The following NRG1 variants were observed in gnomAD, a reference collection of about 807,000 sequenced individuals.
NRG1 encodes the protein neuregulin 1, also known as pro-neuregulin-1, membrane-bound isoform.
In NRG1, 18 loss-of-function variants were observed where a neutral mutation model predicts 63.8. That is an observed-to-expected ratio of 0.28 (90% CI 0.19 to 0.42). NRG1 has a LOEUF of 0.42. Ranked by LOEUF, NRG1 falls within the 10% of genes least tolerant of loss-of-function variation. The pLI is 1.00. For missense variants in NRG1, 762 were observed against 814.7 expected, an observed-to-expected ratio of 0.94 and a Z score of 0.79; for synonymous variants, 302 against 301.3, an observed-to-expected ratio of 1.00 and a Z score of -0.02.
At chr8:32,607,823 CCTT>C (rs1209268091) in intron 3 of NRG1, among the ~76,000 whole-genome samples, 15 of 152,088 alleles carry the variant, frequency 9.9e-5, no homozygotes, top group African/African-American at 2.9e-4. Flanking sequence ...TTAAGTAAAT[CCTT>C]CTTAAACAAC....
intron 1 of NRG1, among the ~76,000 whole-genome samples, chr8:31,847,132 A>T (rs765808142): frequency 6.6e-6 from 1 of 152,194 alleles, no homozygotes; most frequent in Non-Finnish European, 1.5e-5. Context: ...TTGAATCTCA[A>T]TATGGAATAA....
At chr8:32,216,678 A>G (rs996269352) in intron 1 of NRG1, among the ~76,000 whole-genome samples, 5 of 150,006 alleles carry the variant, frequency 3.3e-5, no homozygotes, top group Admixed American at 6.7e-5. Flanking sequence ...GAGTGTTTAT[A>G]TTAAATATAA....
chr8:32,737,843 G>A (rs971191270), intron 6 of NRG1, among the ~76,000 whole-genome samples: 1 of 151,568 alleles, frequency 6.6e-6, no homozygotes, highest in African/African-American at 2.4e-5. Flanking sequence ...CGCCCAACCA[G>A]TTTTTTTATT....
intron 1 of NRG1, among the ~76,000 whole-genome samples, chr8:32,472,484 T>C (rs6997199): frequency 0.74 from 112,705 of 152,252 alleles, 42,014 homozygotes; most frequent in East Asian, 0.89. Flanking sequence ...GCCTTTATTC[T>C]TTATTTTCCC....
intron 1 of NRG1, among the ~76,000 whole-genome samples, chr8:32,123,815 T>G (rs16878857): frequency 0.016 from 2,419 of 151,830 alleles, 56 homozygotes; most frequent in African/African-American, 0.055. Flanking sequence ...GAAAATTCAT[T>G]CCCACTAATT....
At chr8:31,783,253 G>A (rs1445043934) in intron 1 of NRG1, among the ~76,000 whole-genome samples, 3 of 152,158 alleles carry the variant, frequency 2.0e-5, no homozygotes. Flanking sequence ...TAACCACATC[G>A]TAAAAGTAGT....
intron 1 of NRG1, among the ~76,000 whole-genome samples, chr8:32,373,740 T>C (rs1221469533): frequency 2.0e-5 from 3 of 152,102 alleles, no homozygotes; most frequent in African/African-American, 7.2e-5. Flanking sequence ...ATTGCACCAC[T>C]GCACTCCAGC....
At chr8:31,891,984 G>A (rs535786493) in intron 1 of NRG1, among the ~76,000 whole-genome samples, 118 of 152,206 alleles carry the variant, frequency 7.8e-4, no homozygotes, top group Non-Finnish European at 1.0e-3. Context: ...TGGTTGCCAG[G>A]GGTTAAGTAA....
chr8:31,812,805 C>T (rs1275962418), intron 1 of NRG1, among the ~76,000 whole-genome samples: 1 of 152,132 alleles, frequency 6.6e-6, no homozygotes, highest in Non-Finnish European at 1.5e-5. Flanking sequence ...AAATGTAAAG[C>T]AGATATCAAG....
At chr8:32,264,904 G>C (rs564828257) in intron 1 of NRG1, among the ~76,000 whole-genome samples, 8 of 152,244 alleles carry the variant, frequency 5.3e-5, no homozygotes, top group African/African-American at 1.4e-4. Context: ...GCCTAGATAT[G>C]CAAAGAAAAA....
At chr8:32,333,921 G>A (rs1487154) in intron 1 of NRG1, among the ~76,000 whole-genome samples, 14,410 of 152,076 alleles carry the variant, frequency 0.095, 694 homozygotes, top group Middle Eastern at 0.14. Context: ...CCTCAGCTAG[G>A]AATAACATTT....
At chr8:32,167,330 A>G (rs1839507883) in intron 1 of NRG1, among the ~76,000 whole-genome samples, 1 of 152,082 alleles carries the variant, frequency 6.6e-6, no homozygotes, top group South Asian at 2.1e-4. Context: ...GAGATTAGGG[A>G]TTTTCATTTG....
chr8:31,945,419 T>G (rs1044579722), intron 1 of NRG1, among the ~76,000 whole-genome samples: 7 of 152,224 alleles, frequency 4.6e-5, no homozygotes, highest in Non-Finnish European at 8.8e-5. Flanking sequence ...TTACTTATAT[T>G]TTTGCTGTTA....
At chr8:31,739,493 G>T (rs1452831542) in intron 1 of NRG1, among the ~76,000 whole-genome samples, 1 of 152,016 alleles carries the variant, frequency 6.6e-6, no homozygotes, top group Non-Finnish European at 1.5e-5. Flanking sequence ...TAAGGGTCTA[G>T]GCAGAGTAGC....
chr8:32,274,868 A>C (rs1851926302), intron 1 of NRG1, among the ~76,000 whole-genome samples: 1 of 152,144 alleles, frequency 6.6e-6, no homozygotes, highest in South Asian at 2.1e-4. Flanking sequence ...TGGGAAAAAA[A>C]AATCCCATGC....
rs563987092 is a variant in NRG1 at position 32,171,870 on chromosome 8, A to C, written c.38-423958A>C. Among the ~76,000 whole-genome samples, 43 of 152,296 alleles carry C rather than the reference A, an allele frequency of 2.8e-4. No homozygotes were observed. In the South Asian group the frequency reaches 7.1e-3, roughly 25 times the overall value. The stretch of plus-strand genomic sequence containing the variant: ...CAGGAAGCTCGAACTGGGTGGAGCC[A>C]ACCGCAGCTCAAGGAGGCCTGTCTG... On this transcript the variant is annotated intron_variant, in intron 1 of 10. Transcript: ENST00000519301.
At chr8:32,745,293 C>G (rs1827209929) in intron 7 of NRG1, among the ~76,000 whole-genome samples, 1 of 152,024 alleles carries the variant, frequency 6.6e-6, no homozygotes, top group South Asian at 2.1e-4. Context: ...TGAACACAAA[C>G]TAGGAAAAGA....
Position 31,791,205 on chromosome 8 carries a change from C to CAAA in NRG1, c.37+151787_37+151789dup, listed in dbSNP as rs35966484. On this transcript the variant is annotated intron_variant, in intron 1 of 10. Transcript: ENST00000519301. ...GCTGGGTGGGAGAGTGAAACTGTGC[C>CAAA]AAAAAAAAAAAAAAAGAAAGAAAAA... is the stretch of plus-strand genomic sequence containing the variant. Among the ~76,000 whole-genome samples the CAAA allele has an allele frequency of 2.2e-3, 221 of 98,696 alleles. 1 individual carries two copies. The highest frequency in any genetic ancestry group is 7.7e-3 in the African/African-American group (207 of 27,032). 64.7% of individuals were successfully genotyped at this position (98,696 alleles called of 152,430 possible).
chr8:31,899,328 G>T (rs890805513), intron 1 of NRG1, among the ~76,000 whole-genome samples: 16 of 151,578 alleles, frequency 1.1e-4, no homozygotes, highest in African/African-American at 3.9e-4. Context: ...TGTCCCAACT[G>T]CCCTTTTCAG....
Sources: allele counts gnomAD v4.1 joint callset (sites outside exome capture counted in the v4.1 genomes callset), GRCh38; gene constraint gnomAD v4.1.1; transcripts MANE v1.5; gene names NCBI Gene and HGNC (gene_info 2026-07-23, HGNC 2026-07-21).